Variants in TOX observed in about 807,000 individuals in gnomAD.
The protein encoded by TOX is thymocyte selection-associated high mobility group box protein TOX.
In TOX, 11 loss-of-function variants were observed where a neutral mutation model predicts 53.7. That is an observed-to-expected ratio of 0.20 (90% CI 0.13 to 0.34). The LOEUF is 0.34. Ranked by LOEUF, TOX falls within the 10% of genes least tolerant of loss-of-function variation. The pLI, the probability that TOX is intolerant of heterozygous loss-of-function variation, is 1.00. For synonymous variants in TOX, 225 were observed against 245.3 expected (o/e 0.92, Z 0.77); for missense variants, 570 against 664.6 (o/e 0.86, Z 1.56).
At chr8:58,862,060 T>G (rs1457341766) in intron 3 of TOX, among the ~76,000 whole-genome samples, 2 of 152,172 alleles carry the variant, frequency 1.3e-5, no homozygotes, top group Admixed American at 1.3e-4. Flanking sequence ...ATTTTTACAT[T>G]AGTATTTTAT....
chr8:59,018,306 T>G (rs770829512), intron 1 of TOX, among the ~76,000 whole-genome samples: 5 of 152,182 alleles, frequency 3.3e-5, no homozygotes, highest in African/African-American at 4.8e-5. Context: ...GAAATGGGTG[T>G]GTCAGTGGGA....
At chr8:59,038,923 T>G (rs1261666701) in intron 1 of TOX, among the ~76,000 whole-genome samples, 3 of 152,384 alleles carry the variant, frequency 2.0e-5, no homozygotes, top group African/African-American at 2.4e-5. Context: ...AGCAGTGTGA[T>G]GTGATGAAAT....
chr8:58,940,168 T>C (rs1182342487), intron 2 of TOX, among the ~76,000 whole-genome samples: 1 of 152,254 alleles, frequency 6.6e-6, no homozygotes, highest in Non-Finnish European at 1.5e-5. Flanking sequence ...AGATTACTTT[T>C]ATGATTTCCA....
intron 3 of TOX, among the ~76,000 whole-genome samples, chr8:58,927,882 G>A (rs1812191773): frequency 6.6e-6 from 1 of 152,082 alleles, no homozygotes; most frequent in Non-Finnish European, 1.5e-5. Context: ...GTCACATGTG[G>A]ATAGTGAAGG....
intron 3 of TOX, among the ~76,000 whole-genome samples, chr8:58,897,832 T>A (rs1331830506): frequency 2.0e-5 from 3 of 152,136 alleles, no homozygotes; most frequent in African/African-American, 7.2e-5. Flanking sequence ...TTTTTTTAAT[T>A]CTACTAGTGA....
chr8:59,049,842 G>A (rs1187750768), intron 1 of TOX, among the ~76,000 whole-genome samples: 1 of 152,162 alleles, frequency 6.6e-6, no homozygotes, highest in African/African-American at 2.4e-5. Context: ...TGAAATATGA[G>A]TATTTAGAAA....
chr8:59,012,436 G>A (rs1275475962), intron 1 of TOX, among the ~76,000 whole-genome samples: 1 of 151,810 alleles, frequency 6.6e-6, no homozygotes, highest in African/African-American at 2.4e-5. Flanking sequence ...AGCCTGCCAC[G>A]AGAGGGACCA....
chr8:58,859,429 G>T (rs1282865169), intron 3 of TOX, among the ~76,000 whole-genome samples: 1 of 152,050 alleles, frequency 6.6e-6, no homozygotes, highest in Non-Finnish European at 1.5e-5. Flanking sequence ...TGGAATCTTC[G>T]CTTTTCTTTC....
intron 2 of TOX, among the ~76,000 whole-genome samples, chr8:58,947,377 A>G (rs553167429): frequency 6.2e-4 from 94 of 152,284 alleles, no homozygotes; most frequent in African/African-American, 2.3e-3. Context: ...TTATACTTTT[A>G]TTTAAAATAT....
At chr8:59,050,367 C>A (rs1045644502) in intron 1 of TOX, among the ~76,000 whole-genome samples, 1 of 152,036 alleles carries the variant, frequency 6.6e-6, no homozygotes, top group Non-Finnish European at 1.5e-5. Context: ...CTGCATGAAC[C>A]ACACATGACT....
intron 4 of TOX, among the ~76,000 whole-genome samples, chr8:58,840,182 G>A (rs1243748358): frequency 6.6e-6 from 1 of 152,166 alleles, no homozygotes; most frequent in Non-Finnish European, 1.5e-5. Context: ...AAAGCTAAGT[G>A]ATTTCTTTGT....
chr8:58,922,288 A>C (rs1407666398), intron 3 of TOX, among the ~76,000 whole-genome samples: 1 of 152,228 alleles, frequency 6.6e-6, no homozygotes, highest in African/African-American at 2.4e-5. Context: ...CAGGAGAAGA[A>C]GGCAAAGATA....
intron 6 of TOX, among the ~76,000 whole-genome samples, chr8:58,819,877 G>A (rs1001184875): frequency 5.3e-5 from 8 of 152,172 alleles, no homozygotes; most frequent in Admixed American, 3.3e-4. Flanking sequence ...AGCACTGACC[G>A]ATACTTAATG....
At chr8:58,941,337 T>C (rs566671872) in intron 2 of TOX, among the ~76,000 whole-genome samples, 9 of 152,188 alleles carry the variant, frequency 5.9e-5, no homozygotes, top group Non-Finnish European at 8.8e-5. Context: ...TTAACCATTA[T>C]AGTAATCCAT....
intron 7 of TOX, among the ~76,000 whole-genome samples, chr8:58,808,898 G>GA (rs371744538): frequency 3.9e-5 from 6 of 152,290 alleles, no homozygotes; most frequent in Admixed American, 1.3e-4. Flanking sequence ...CACGGGGAGG[G>GA]AAAAGTGTAC....
chr8:58,846,464 A>G (rs1183016496), intron 4 of TOX, among the ~76,000 whole-genome samples: 1 of 152,126 alleles, frequency 6.6e-6, no homozygotes. Flanking sequence ...ATATTTGTAG[A>G]AACCTGTCTG....
chr8:58,863,407 A>G (rs1205905548), intron 3 of TOX, among the ~76,000 whole-genome samples: 1 of 152,174 alleles, frequency 6.6e-6, no homozygotes, highest in Non-Finnish European at 1.5e-5. Flanking sequence ...GTTTCCATGA[A>G]TTACCCTATT....
At position 58,878,674 on chromosome 8, in the gene TOX, T is replaced by C. The variant is rs550987499; in HGVS notation, c.412-26869A>G. 1.8e-4 allele frequency among the ~76,000 whole-genome samples: 27 copies of C among 152,336 alleles called. No homozygotes were observed. The South Asian group carries it at 4.8e-3, about 27-fold the overall frequency. On this transcript the variant is annotated intron_variant, in intron 3 of 8. Coordinates refer to ENST00000361421, the MANE Select transcript of TOX (RefSeq NM_014729.3). ...GTTCCCCAGGCTTTTCTGTAGTTTC[T>C]AGCTCTCTTATGGATAAAAAGGAAA...
rs552936457 is a variant in TOX at position 59,060,431 on chromosome 8, G to T, written c.102+58455C>A. On this transcript the variant is annotated intron_variant, in intron 1 of 8. Coordinates refer to ENST00000361421, the MANE Select transcript of TOX (RefSeq NM_014729.3). ...TCACGAGGTCAGGAGATTGAGACCA[G>T]CCTGGCCAACACGGTGAAACCCCGT... Among the ~76,000 whole-genome samples, 17 of 152,290 alleles carry T rather than the reference G, an allele frequency of 1.1e-4. No homozygotes were observed. In the East Asian group the frequency reaches 2.5e-3, roughly 22 times the overall value.
Sources: allele counts gnomAD v4.1 joint callset (sites outside exome capture counted in the v4.1 genomes callset), GRCh38; gene constraint gnomAD v4.1.1; transcripts MANE v1.5; gene names NCBI Gene and HGNC (gene_info 2026-07-23, HGNC 2026-07-21).